Variants in SASH1 observed in about 807,000 individuals in gnomAD.
SASH1 encodes the protein SAM and SH3 domain-containing protein 1.
SASH1 carries 44 observed loss-of-function variants against 125.2 expected under a neutral mutation model. That is an observed-to-expected ratio of 0.35 (90% CI 0.28 to 0.45). The LOEUF is 0.45. SASH1 is among the 20% of genes least tolerant of loss of function. SASH1 has a pLI of 1.00. For synonymous variants in SASH1, 639 were observed against 649.1 expected, an observed-to-expected ratio of 0.98 and a Z score of 0.24; for missense variants, 1,426 against 1,614.5, an observed-to-expected ratio of 0.88 and a Z score of 2.00.
At position 148,353,231 on chromosome 6, in the gene SASH1, C is replaced by G. The variant is rs924489365; in HGVS notation, c.156+10008C>G. ...TATAGGCGTGCATTACCACGCTCAG[C>G]TTATTATATTTTTCTTATTTTTTCT... On this transcript the variant is annotated intron_variant, in intron 1 of 19. Coordinates refer to ENST00000367467, the MANE Select transcript of SASH1 (RefSeq NM_015278.5). Among the ~76,000 whole-genome samples the G allele has an allele frequency of 4.0e-5, 6 of 151,570 alleles. No homozygotes were observed. The East Asian group carries it at 1.2e-3, about 30-fold the overall frequency.
intron 1 of SASH1, among the ~76,000 whole-genome samples, chr6:148,383,077 G>A (rs932880693): frequency 2.0e-5 from 3 of 152,216 alleles, no homozygotes; most frequent in Non-Finnish European, 2.9e-5. Flanking sequence ...CGACGACGAC[G>A]TGGCAGGAAG....
At chr6:148,324,988 C>G (rs1321309191) in intron 1 of SASH1, among the ~76,000 whole-genome samples, 1 of 152,144 alleles carries the variant, frequency 6.6e-6, no homozygotes, top group African/African-American at 2.4e-5. Flanking sequence ...TGAGCTACTC[C>G]CCAGTTACCA....
At chr6:148,203,278 C>A in the SASH1 span, among the ~76,000 whole-genome samples, 1 of 152,200 alleles carries the variant, frequency 6.6e-6, no homozygotes, top group Non-Finnish European at 1.5e-5. Flanking sequence ...CTGCTGTCAC[C>A]ATTATGAGAA....
the SASH1 span, among the ~76,000 whole-genome samples, chr6:148,225,018 G>A: frequency 6.6e-6 from 1 of 152,218 alleles, no homozygotes. Flanking sequence ...GTTAGTGGAA[G>A]TGAGTAGGAA....
At chr6:148,325,261 T>TTGTTGTTGTTGTTGTTGTTGTTGTTGTTG (rs147161125) in intron 1 of SASH1, among the ~76,000 whole-genome samples, 2 of 149,878 alleles carry the variant, frequency 1.3e-5, no homozygotes, top group African/African-American at 4.9e-5. Flanking sequence ...AAAAGCCTCT[T>TTGTTGTTGTTGTTGTTGTTGTTGTTGTTG]TTGTTGTTGT....
At chr6:148,249,526 CT>C in the SASH1 span, among the ~76,000 whole-genome samples, 1 of 152,182 alleles carries the variant, frequency 6.6e-6, no homozygotes, top group Non-Finnish European at 1.5e-5. Context: ...AGCTTTCGGT[CT>C]AGACAGATAG....
intron 4 of SASH1, among the ~76,000 whole-genome samples, chr6:148,446,606 G>T (rs1020066691): frequency 8.5e-5 from 13 of 152,138 alleles, no homozygotes; most frequent in Admixed American, 2.0e-4. Flanking sequence ...GGGCCACCTG[G>T]CTATTTTGTA....
intron 1 of SASH1, among the ~76,000 whole-genome samples, chr6:148,293,673 A>G (rs1391510078): frequency 6.6e-6 from 1 of 152,124 alleles, no homozygotes; most frequent in African/African-American, 2.4e-5. Flanking sequence ...TAAATTTTCT[A>G]CAACCCACAT....
At chr6:148,425,383 G>A (rs967325647) in intron 2 of SASH1, among the ~76,000 whole-genome samples, 17 of 152,120 alleles carry the variant, frequency 1.1e-4, no homozygotes, top group African/African-American at 3.9e-4. Context: ...TCTGTTGGCT[G>A]TAAAATGCTT....
the SASH1 span, among the ~76,000 whole-genome samples, chr6:148,258,512 G>A: frequency 6.6e-6 from 1 of 152,116 alleles, no homozygotes; most frequent in African/African-American, 2.4e-5. Flanking sequence ...AGCTGCAGAG[G>A]TAATAGCAGT....
At chr6:148,412,332 T>TC (rs1784661575) in intron 2 of SASH1, among the ~76,000 whole-genome samples, 1 of 152,224 alleles carries the variant, frequency 6.6e-6, no homozygotes, top group African/African-American at 2.4e-5. Flanking sequence ...AGCAGGTATG[T>TC]AAATGGGCAG....
At chr6:148,374,680 A>T (rs1312800359) in intron 1 of SASH1, among the ~76,000 whole-genome samples, 1 of 143,484 alleles carries the variant, frequency 7.0e-6, no homozygotes, top group Non-Finnish European at 1.5e-5. Context: ...TATTGTGTGT[A>T]TTTGAGGTTT....
At chr6:148,531,470 A>G in intron 12 of SASH1, 56 bp from the exon 13 acceptor site, 1 of 1,387,362 alleles carries the variant, frequency 7.2e-7, no homozygotes, top group South Asian at 1.9e-5. Flanking sequence ...TGAGAATTAC[A>G]AAACAACACC....
chr6:148,431,398 C>T (rs1199230964), intron 2 of SASH1, among the ~76,000 whole-genome samples: 1 of 152,092 alleles, frequency 6.6e-6, no homozygotes, highest in African/African-American at 2.4e-5. Context: ...AGGGTTTCAC[C>T]ATGTTGGCCA....
At chr6:148,471,943 G>A (rs1778139991) in intron 6 of SASH1, among the ~76,000 whole-genome samples, 1 of 152,194 alleles carries the variant, frequency 6.6e-6, no homozygotes, top group Admixed American at 6.5e-5. Flanking sequence ...GACGGTTATG[G>A]GGTGTTGCCC....
chr6:148,546,904 T>A (rs192003674), intron 19 of SASH1, among the ~76,000 whole-genome samples: 1 of 152,132 alleles, frequency 6.6e-6, no homozygotes, highest in African/African-American at 2.4e-5. Flanking sequence ...AAAATTGATA[T>A]CATCAATACA....
chr6:148,367,176 G>A (rs191745498), intron 1 of SASH1, among the ~76,000 whole-genome samples: 46 of 151,156 alleles, frequency 3.0e-4, no homozygotes, highest in African/African-American at 1.1e-3. Context: ...CACCTTCCTC[G>A]GCCTCCCAAA....
intron 4 of SASH1, among the ~76,000 whole-genome samples, chr6:148,454,140 G>A (rs571998593): frequency 4.1e-4 from 62 of 152,264 alleles, no homozygotes; most frequent in African/African-American, 1.4e-3. Context: ...CTTCGCGGGT[G>A]CAGAGGGCCT....
chr6:148,454,120 G>A (rs903675685), intron 4 of SASH1, among the ~76,000 whole-genome samples: 4 of 152,114 alleles, frequency 2.6e-5, no homozygotes, highest in Non-Finnish European at 5.9e-5. Flanking sequence ...GTCTCCAAGC[G>A]AGGCTTCAGC....
Sources: gnomAD v4.1 joint callset for allele counts (sites outside exome capture counted in the v4.1 genomes callset) on GRCh38, gnomAD v4.1.1 for gene constraint, MANE v1.5 for transcripts, NCBI Gene and HGNC (gene_info 2026-07-23, HGNC 2026-07-21) for gene names.